The following FOCAD variants were observed in gnomAD, a reference collection of about 807,000 sequenced individuals.
FOCAD encodes focadhesin, also known as KIAA1797.
Under a neutral mutation model 225.6 loss-of-function variants are expected in FOCAD, and 198 were observed. The ratio of observed to expected loss-of-function variants is 0.88; its 90% CI spans 0.78 to 0.99. The LOEUF (loss-of-function observed/expected upper bound fraction) is 0.99, where lower values mean the gene tolerates loss of function less well. FOCAD is among the 50% of genes least tolerant of loss of function. The pLI, the probability that FOCAD is intolerant of heterozygous loss-of-function variation, is 0.00. For synonymous variants in FOCAD, 897 were observed against 755.0 expected (o/e 1.19, Z -3.08); for missense variants, 2,713 against 2,123.6 (o/e 1.28, Z -5.46).
intron 28 of FOCAD, among the ~76,000 whole-genome samples, chr9:20,943,040 T>A (rs1419564994): frequency 1.3e-5 from 2 of 152,180 alleles, no homozygotes; most frequent in Non-Finnish European, 2.9e-5. Context: ...TCTAATTCTG[T>A]CAAATTGTTA....
chr9:20,961,513 C>T (rs1449180231), intron 35 of FOCAD, among the ~76,000 whole-genome samples: 1 of 152,152 alleles, frequency 6.6e-6, no homozygotes, highest in Non-Finnish European at 1.5e-5. Context: ...GTGTGCAAAG[C>T]ATCTCATTGC....
At chr9:20,947,251 A>G (rs1384211633) in intron 30 of FOCAD, among the ~76,000 whole-genome samples, 1 of 152,230 alleles carries the variant, frequency 6.6e-6, no homozygotes, top group Admixed American at 6.5e-5. Context: ...GTATAAGAAA[A>G]TTTAAGTACC....
At chr9:20,901,025 C>G (rs1832508174) in intron 21 of FOCAD, among the ~76,000 whole-genome samples, 1 of 151,882 alleles carries the variant, frequency 6.6e-6, no homozygotes, top group South Asian at 2.1e-4. Flanking sequence ...TTCTCACTAT[C>G]TGTCAGAGGA....
chr9:20,876,721 C>T (rs777168453), intron 19 of FOCAD, among the ~76,000 whole-genome samples: 1 of 152,052 alleles, frequency 6.6e-6, no homozygotes, highest in Non-Finnish European at 1.5e-5. Context: ...TTGATTATTA[C>T]AGAACTAGAA....
At chr9:20,893,720 G>A (rs1831830598) in intron 21 of FOCAD, among the ~76,000 whole-genome samples, 1 of 152,000 alleles carries the variant, frequency 6.6e-6, no homozygotes, top group Admixed American at 6.6e-5. Context: ...TTTTAGAGCA[G>A]TTTTAGGTTC....
chr9:20,879,940 T>C (rs185019359), intron 19 of FOCAD, among the ~76,000 whole-genome samples: 7 of 152,196 alleles, frequency 4.6e-5, no homozygotes, highest in Non-Finnish European at 7.3e-5. Context: ...AATAGGATCC[T>C]TCTGAGAAAG....
chr9:20,778,325 A>C lies in FOCAD; in HGVS notation c.907-356A>C, dbSNP rs1415277730. Among the ~76,000 whole-genome samples, 3 of 151,732 alleles carry C rather than the reference A, an allele frequency of 2.0e-5. No homozygotes were observed. In the East Asian group the frequency reaches 5.8e-4, roughly 29 times the overall value. ...AGTGGCACCATCTTGGCTCACTGCA[A>C]CCTCCACCTCCTGGGTCAAGCAATT... On this transcript the variant is annotated intron_variant, in intron 8 of 43. Coordinates refer to ENST00000338382, the MANE Select transcript of FOCAD (RefSeq NM_001375567.1).
chr9:20,782,509 C>G (rs1295961501), intron 10 of FOCAD, among the ~76,000 whole-genome samples: 1 of 152,200 alleles, frequency 6.6e-6, no homozygotes, highest in African/African-American at 2.4e-5. Flanking sequence ...TCCGCTTTTT[C>G]AGTCTTGCTT....
rs1392065452 is a variant in FOCAD at position 20,988,430 on chromosome 9, G to T, written c.5004+1G>T. The T allele has an allele frequency of 6.6e-7, 1 of 1,512,332 alleles. No homozygotes were observed. The highest frequency in any genetic ancestry group is 1.4e-5 in the African/African-American group (1 of 72,266). 93.7% of individuals were successfully genotyped at this position (1,512,332 alleles called of 1,614,324 possible). ...CTTTCACAATACGGCTCTTGACAAG[G>T]TAAAATCTAGAGGAGTAGTTTATAG... On this transcript the variant is annotated splice_donor_variant, in intron 41 of 43. Coordinates refer to ENST00000338382, the MANE Select transcript of FOCAD (RefSeq NM_001375567.1). LOFTEE classifies it high-confidence loss of function.
At chr9:20,963,318 G>A (rs576355701) in intron 35 of FOCAD, among the ~76,000 whole-genome samples, 38 of 152,284 alleles carry the variant, frequency 2.5e-4, no homozygotes, top group African/African-American at 9.1e-4. Context: ...CATGTAAAGT[G>A]CAGTACTGGT....
At chr9:20,838,183 T>C (rs1826177956) in intron 15 of FOCAD, among the ~76,000 whole-genome samples, 1 of 152,142 alleles carries the variant, frequency 6.6e-6, no homozygotes, top group South Asian at 2.1e-4. Context: ...GTCTGTACTA[T>C]TAGTTGGAGG....
chr9:20,761,955 G>A (rs552298215), intron 6 of FOCAD, among the ~76,000 whole-genome samples: 10 of 152,202 alleles, frequency 6.6e-5, no homozygotes, highest in African/African-American at 2.2e-4. Flanking sequence ...GATACCACAT[G>A]CAGAATCTAA....
Position 20,978,408 on chromosome 9 carries a change from C to T in FOCAD, c.4331C>T (p.Ala1444Val), listed in dbSNP as rs959511124. The change falls in exon 37 of 44, where the codon GCA (alanine) becomes GTA (valine). Residue 1444 changes from alanine to valine, a missense_variant. Ala to Val is a moderately conservative substitution (Grantham distance 64). Coordinates refer to ENST00000338382, the MANE Select transcript of FOCAD (RefSeq NM_001375567.1). ...GCACAGTCATCCCAGAATGCAGCTG[C>T]ACTATTGGGCTTGTGGGTGACACCA... ...TQAQSSQNAA[A>V]LLGLWVTPPL... 1.9e-6 allele frequency: 3 copies of T among 1,612,100 alleles called. No individual in the cohort carries two copies. Among genetic ancestry groups the T allele is most frequent in the Middle Eastern group, 3.3e-4 (2 of 6,054 alleles).
chr9:20,763,739 A>G (rs1829815210), intron 6 of FOCAD, among the ~76,000 whole-genome samples: 1 of 152,182 alleles, frequency 6.6e-6, no homozygotes, highest in African/African-American at 2.4e-5. Flanking sequence ...AGAGCAAGAA[A>G]TGAAGCTGGA....
At chr9:20,887,002 G>C (rs917419157) in intron 21 of FOCAD, among the ~76,000 whole-genome samples, 2 of 152,178 alleles carry the variant, frequency 1.3e-5, no homozygotes, top group African/African-American at 4.8e-5. Flanking sequence ...CATAGTCCTT[G>C]AACTGTCATC....
intron 28 of FOCAD, among the ~76,000 whole-genome samples, chr9:20,938,268 G>C (rs1249911988): frequency 6.6e-6 from 1 of 152,136 alleles, no homozygotes; most frequent in Non-Finnish European, 1.5e-5. Flanking sequence ...CTGCTATAAA[G>C]ACACATGCAC....
intron 12 of FOCAD, 99 bp downstream of exon 12, chr9:20,819,999 C>T (rs967708716): frequency 6.0e-6 from 4 of 669,472 alleles, no homozygotes; most frequent in East Asian, 3.1e-5. Flanking sequence ...TAAATTTTGC[C>T]ATAGTCACTA....
At chr9:20,665,843 C>A (rs181384201) in intron 2 of FOCAD, among the ~76,000 whole-genome samples, 1 of 151,934 alleles carries the variant, frequency 6.6e-6, no homozygotes, top group African/African-American at 2.4e-5. Flanking sequence ...CCAGCCTGGC[C>A]AACATGGTGA....
At chr9:20,869,703 G>A (rs376173271) in intron 18 of FOCAD, among the ~76,000 whole-genome samples, 3 of 152,090 alleles carry the variant, frequency 2.0e-5, no homozygotes, top group African/African-American at 4.8e-5. Context: ...GGGATTAGAG[G>A]TGATGGACAT....
Sources: gnomAD v4.1 joint callset for allele counts (sites outside exome capture counted in the v4.1 genomes callset) on GRCh38, gnomAD v4.1.1 for gene constraint, MANE v1.5 for transcripts, NCBI Gene and HGNC (gene_info 2026-07-23, HGNC 2026-07-21) for gene names.